CNTLN: variants seen among roughly 807,000 people sequenced by gnomAD.
The protein encoded by CNTLN is centlein.
In CNTLN, 212 loss-of-function variants were observed where a neutral mutation model predicts 180.0. The observed-to-expected ratio is 1.18, with a 90% CI of 1.05 to 1.32. The LOEUF is 1.32. Ranked by LOEUF, CNTLN falls within the 40% of genes most tolerant of loss-of-function variation. The probability of loss-of-function intolerance (pLI) is 0.00; values close to 1 mark genes in which losing one functional copy is unlikely to be tolerated. For missense variants in CNTLN, 2,095 were observed against 1,610.9 expected, an observed-to-expected ratio of 1.30 and a Z score of -5.14; for synonymous variants, 722 against 563.1, an observed-to-expected ratio of 1.28 and a Z score of -3.99.
intron 8 of CNTLN, among the ~76,000 whole-genome samples, chr9:17,323,212 A>G (rs552889202): frequency 6.6e-6 from 1 of 152,298 alleles, no homozygotes; most frequent in African/African-American, 2.4e-5. Flanking sequence ...GTTACTCTGA[A>G]TTCAGTAACT....
the CNTLN span, among the ~76,000 whole-genome samples, chr9:17,511,747 T>C: frequency 1.3e-5 from 2 of 151,992 alleles, no homozygotes; most frequent in African/African-American, 4.8e-5. Context: ...TGGGAATTAT[T>C]AGGAGCCATT....
intron 23 of CNTLN, among the ~76,000 whole-genome samples, chr9:17,473,070 A>G (rs1450242326): frequency 6.6e-6 from 1 of 152,160 alleles, no homozygotes; most frequent in Non-Finnish European, 1.5e-5. Flanking sequence ...TTTATTTTGA[A>G]TCTCTGCCTA....
chr9:17,486,986 C>T lies in CNTLN; in HGVS notation c.4042-3C>T, dbSNP rs2383023. 0.096 allele frequency: 147,374 copies of T among 1,542,460 alleles called. 10,684 individuals are homozygous for T. Among genetic ancestry groups the T allele is most frequent in the African/African-American group, 0.36 (25,841 of 70,990 alleles). On this transcript the variant is annotated splice_polypyrimidine_tract_variant and splice_region_variant and intron_variant, in intron 24 of 25. Transcript: ENST00000380647. ...CACCAGTGTTTTTATTTTTTTTCTT[C>T]AGGAAATTGAAAAAACAAAAATTGA... is the stretch of plus-strand genomic sequence containing the variant.
intron 13 of CNTLN, among the ~76,000 whole-genome samples, chr9:17,377,730 C>G (rs1194280714): frequency 2.6e-5 from 4 of 152,128 alleles, no homozygotes; most frequent in African/African-American, 9.7e-5. Context: ...AGATGTTACT[C>G]ATTTATAGAA....
Position 17,273,790 on chromosome 9 carries a change from T to C in CNTLN, c.907T>C (p.Tyr303His). 6.4e-7 allele frequency: 1 copy of C among 1,571,866 alleles called. No individual in the cohort carries two copies. Among genetic ancestry groups the C allele is most frequent in the Non-Finnish European group, 8.6e-7 (1 of 1,160,530 alleles). The change falls in exon 6 of 26, where the codon TAC becomes CAC. Residue 303 changes from tyrosine (Y) to histidine (H), a missense_variant. Transcript: ENST00000380647. ...AGAAGTTGAAGTATCACAGAGTAAATACAATGCTCTATCATTACAGTTGAG... is the reference window on the plus strand; with the variant it reads ...AGAAGTTGAAGTATCACAGAGTAAACACAATGCTCTATCATTACAGTTGAG... ...RKEVEVSQSKYNALSLQLSNK... is the reference protein window; with the variant it reads ...RKEVEVSQSKHNALSLQLSNK...
intron 6 of CNTLN, among the ~76,000 whole-genome samples, chr9:17,281,068 A>G (rs1474073255): frequency 5.3e-5 from 8 of 152,172 alleles, no homozygotes; most frequent in South Asian, 2.1e-4. Context: ...CTGCTCTCAC[A>G]GAGATGTCCT....
At chr9:17,193,383 C>T (rs1056810902) in intron 2 of CNTLN, among the ~76,000 whole-genome samples, 1 of 152,168 alleles carries the variant, frequency 6.6e-6, no homozygotes, top group Non-Finnish European at 1.5e-5. Context: ...AGTTACTTCC[C>T]AGATACAATG....
chr9:17,240,686 T>C (rs766505958), intron 5 of CNTLN, among the ~76,000 whole-genome samples: 5 of 152,130 alleles, frequency 3.3e-5, no homozygotes, highest in African/African-American at 1.2e-4. Flanking sequence ...AGTTTGTACA[T>C]ATTGTCCCAT....
At chr9:17,312,885 T>G (rs1446508135) in intron 8 of CNTLN, among the ~76,000 whole-genome samples, 1 of 152,166 alleles carries the variant, frequency 6.6e-6, no homozygotes, top group Non-Finnish European at 1.5e-5. Flanking sequence ...AATGATTGTG[T>G]TTAGTTTTTC....
At chr9:17,206,935 A>G (rs1822965589) in intron 2 of CNTLN, among the ~76,000 whole-genome samples, 2 of 152,264 alleles carry the variant, frequency 1.3e-5, no homozygotes, top group Admixed American at 6.5e-5. Context: ...AGCTTGTTAA[A>G]AAAGAGCTAG....
intron 2 of CNTLN, among the ~76,000 whole-genome samples, chr9:17,164,083 C>T (rs534123410): frequency 4.1e-5 from 6 of 147,010 alleles, no homozygotes; most frequent in East Asian, 2.1e-4. Flanking sequence ...AGGCTGAGGC[C>T]GGCGGATCAC....
intron 15 of CNTLN, 103 bp from the exon 16 acceptor site, chr9:17,409,190 T>A: frequency 9.3e-7 from 1 of 1,075,488 alleles, no homozygotes; most frequent in African/African-American, 1.6e-5. Context: ...CTTGCAGTTT[T>A]ATATACAATC....
intron 7 of CNTLN, among the ~76,000 whole-genome samples, chr9:17,308,665 T>G (rs965373823): frequency 9.9e-5 from 15 of 152,110 alleles, no homozygotes; most frequent in African/African-American, 3.4e-4. Flanking sequence ...TTGTTTTTGG[T>G]CAATTCCAAT....
At chr9:17,430,812 G>C (rs1040733603) in intron 18 of CNTLN, among the ~76,000 whole-genome samples, 5 of 152,152 alleles carry the variant, frequency 3.3e-5, no homozygotes, top group Non-Finnish European at 5.9e-5. Context: ...ATTTGTATTT[G>C]TGTGCCTGGC....
chr9:17,446,852 A>G (rs1294155428), intron 18 of CNTLN, among the ~76,000 whole-genome samples: 1 of 152,210 alleles, frequency 6.6e-6, no homozygotes, highest in Non-Finnish European at 1.5e-5. Context: ...ACAGTCAAAT[A>G]AAAGTATTGA....
intron 23 of CNTLN, among the ~76,000 whole-genome samples, chr9:17,467,893 C>T (rs186495927): frequency 1.1e-4 from 16 of 151,686 alleles, no homozygotes; most frequent in Non-Finnish European, 1.5e-5. Context: ...TTATTGGGTA[C>T]ATAACCAAAA....
chr9:17,490,557 T>C (rs1264993509), intron 25 of CNTLN, among the ~76,000 whole-genome samples: 1 of 152,014 alleles, frequency 6.6e-6, no homozygotes, highest in East Asian at 1.9e-4. Flanking sequence ...ATAGACAGTA[T>C]GTTTGTGGTT....
chr9:17,447,311 A>C (rs1830498447), intron 18 of CNTLN: 1 of 200,800 alleles, frequency 5.0e-6, no homozygotes, highest in Admixed American at 4.6e-5. Flanking sequence ...CAGCTCACGA[A>C]TACACTTTGG....
intron 2 of CNTLN, among the ~76,000 whole-genome samples, chr9:17,209,578 C>T (rs1420774294): frequency 6.6e-6 from 1 of 152,134 alleles, no homozygotes; most frequent in Non-Finnish European, 1.5e-5. Flanking sequence ...ATAATATTTT[C>T]TCTATATGTT....
Sources: allele counts gnomAD v4.1 joint callset (sites outside exome capture counted in the v4.1 genomes callset), GRCh38; gene constraint gnomAD v4.1.1; transcripts MANE v1.5; gene names NCBI Gene and HGNC (gene_info 2026-07-23, HGNC 2026-07-21).